The following THRB variants were observed in gnomAD, a reference collection of about 807,000 sequenced individuals.
THRB encodes the protein nuclear receptor subfamily 1 group A member 2.
Under a neutral mutation model 47.8 loss-of-function variants are expected in THRB, and 12 were observed. That is an observed-to-expected ratio of 0.25 (90% CI 0.16 to 0.41). The LOEUF is 0.41. THRB is among the 10% of genes least tolerant of loss of function. THRB has a pLI of 1.00. For missense variants in THRB, 348 were observed against 589.2 expected (o/e 0.59, Z 4.24); for synonymous variants, 218 against 212.2 (o/e 1.03, Z -0.24).
At chr3:24,246,454 G>A (rs2050121029) in intron 3 of THRB, among the ~76,000 whole-genome samples, 1 of 152,204 alleles carries the variant, frequency 6.6e-6, no homozygotes, top group Non-Finnish European at 1.5e-5. Context: ...ATATTTCTCA[G>A]TGTGAAATGA....
At chr3:24,258,345 A>AACC (rs938414291) in intron 3 of THRB, among the ~76,000 whole-genome samples, 1 of 152,056 alleles carries the variant, frequency 6.6e-6, no homozygotes, top group Non-Finnish European at 1.5e-5. Flanking sequence ...TCAAAACCAA[A>AACC]ATAAACTTAG....
chr3:24,175,352 T>G (rs1016452885), intron 5 of THRB, among the ~76,000 whole-genome samples: 1 of 152,154 alleles, frequency 6.6e-6, no homozygotes, highest in African/African-American at 2.4e-5. Context: ...GTCTTTCACA[T>G]AAGAACTCTG....
intron 1 of THRB, among the ~76,000 whole-genome samples, chr3:24,476,115 C>T (rs1035980395): frequency 5.9e-5 from 9 of 152,182 alleles, no homozygotes; most frequent in African/African-American, 2.2e-4. Flanking sequence ...CCTGCAAGAT[C>T]GAAAGTACTT....
intron 1 of THRB, among the ~76,000 whole-genome samples, chr3:24,338,602 T>C (rs1295298975): frequency 1.3e-5 from 2 of 152,160 alleles, no homozygotes; most frequent in Admixed American, 6.5e-5. Context: ...TGTTATATCA[T>C]TAAAGCGATT....
intron 4 of THRB, among the ~76,000 whole-genome samples, chr3:24,205,965 T>C (rs1336481736): frequency 6.6e-6 from 1 of 152,166 alleles, no homozygotes. Flanking sequence ...CCTAAATATA[T>C]ATGCACCTAA....
At position 24,127,716 on chromosome 3, in the gene THRB, G is replaced by A. The variant is rs115964589; in HGVS notation, c.927C>T (p.Cys309=). The A allele has an allele frequency of 1.5e-5, 25 of 1,614,212 alleles. No individual in the cohort carries two copies. Among genetic ancestry groups the A allele is most frequent in the Non-Finnish European group, 2.0e-5 (24 of 1,180,026 alleles). Residue 309 remains cysteine, a synonymous_variant, in exon 10 of 11, where the codon TGC becomes TGT. Transcript: ENST00000646209. ...CAGCGCGAAGGGACATGATCTCCATGCAGCAGCCTTTGAGGAGGATGATCT... is the reference window on the plus strand; with the variant it reads ...CAGCGCGAAGGGACATGATCTCCATACAGCAGCCTTTGAGGAGGATGATCT... The part of the protein sequence containing the change: ...EDQIILLKGC[C]MEIMSLRAAV...
rs561661067 is a variant in THRB at position 24,376,174 on chromosome 3, G to A, written c.-260-38803C>T. Among the ~76,000 whole-genome samples the A allele has an allele frequency of 1.4e-4, 22 of 152,278 alleles. No individual in the cohort carries two copies. In the South Asian group the frequency reaches 3.1e-3, roughly 22 times the overall value. On this transcript the variant is annotated intron_variant, in intron 1 of 10. Transcript: ENST00000646209. ...GTGTGTCTATAATGGAGAAAGGGAC[G>A]TAAACAACTATAAACATGGACACAA...
intron 1 of THRB, among the ~76,000 whole-genome samples, chr3:24,404,261 A>T (rs1400575632): frequency 6.6e-6 from 1 of 151,932 alleles, no homozygotes; most frequent in Admixed American, 6.6e-5. Flanking sequence ...AGTGCAAGAT[A>T]AACAAATGGA....
intron 10 of THRB, among the ~76,000 whole-genome samples, chr3:24,124,849 T>C (rs1395903409): frequency 1.3e-5 from 2 of 152,190 alleles, no homozygotes; most frequent in Non-Finnish European, 2.9e-5. Flanking sequence ...GCAGCTATCA[T>C]TTGCCAAATG....
At chr3:24,360,548 C>A (rs1335542192) in intron 1 of THRB, among the ~76,000 whole-genome samples, 1 of 152,174 alleles carries the variant, frequency 6.6e-6, no homozygotes, top group Non-Finnish European at 1.5e-5. Flanking sequence ...TTTACCGATA[C>A]ATAATTGTTC....
At chr3:24,218,362 T>TTAAA (rs1553649054) in intron 4 of THRB, among the ~76,000 whole-genome samples, 39 of 128,430 alleles carry the variant, frequency 3.0e-4, no homozygotes, top group African/African-American at 1.3e-3. Context: ...TTTTTTTTTT[T>TTAAA]AAAAAGAAAA....
At chr3:24,429,410 T>C (rs1484201230) in intron 1 of THRB, among the ~76,000 whole-genome samples, 2 of 151,858 alleles carry the variant, frequency 1.3e-5, no homozygotes, top group African/African-American at 4.8e-5. Flanking sequence ...TTACAAGATA[T>C]CCTCAGGGTA....
chr3:24,146,479 C>T (rs979295179), intron 7 of THRB, among the ~76,000 whole-genome samples, 196 bp downstream of exon 7: 1 of 152,186 alleles, frequency 6.6e-6, no homozygotes, highest in African/African-American at 2.4e-5. Flanking sequence ...TAGGATGGAA[C>T]CCACCCAGCA....
At chr3:24,440,951 G>C (rs1487170672) in intron 1 of THRB, among the ~76,000 whole-genome samples, 4 of 152,232 alleles carry the variant, frequency 2.6e-5, no homozygotes, top group African/African-American at 4.8e-5. Flanking sequence ...GCTCAAGTTA[G>C]TTCAGCCCTT....
intron 4 of THRB, among the ~76,000 whole-genome samples, chr3:24,207,529 G>A (rs1294222104): frequency 1.3e-5 from 2 of 152,092 alleles, no homozygotes; most frequent in Non-Finnish European, 2.9e-5. Flanking sequence ...CCAGGTGGGG[G>A]CGAGAGACAT....
At chr3:24,375,001 T>C (rs2149786099) in intron 1 of THRB, among the ~76,000 whole-genome samples, 1 of 152,236 alleles carries the variant, frequency 6.6e-6, no homozygotes, top group South Asian at 2.1e-4. Context: ...CAACAAGTTA[T>C]AAACCTGGAT....
chr3:24,245,460 G>A (rs1267756005), intron 3 of THRB, among the ~76,000 whole-genome samples: 3 of 152,122 alleles, frequency 2.0e-5, no homozygotes, highest in Non-Finnish European at 2.9e-5. Flanking sequence ...AGGGGAGGCT[G>A]TATTTAATAC....
intron 1 of THRB, among the ~76,000 whole-genome samples, chr3:24,388,274 A>G (rs1422950043): frequency 6.6e-6 from 1 of 152,146 alleles, no homozygotes; most frequent in Non-Finnish European, 1.5e-5. Flanking sequence ...AAATGTTAGC[A>G]GAGACATTTA....
At chr3:24,355,823 T>C (rs887939069) in intron 1 of THRB, among the ~76,000 whole-genome samples, 1 of 152,134 alleles carries the variant, frequency 6.6e-6, no homozygotes, top group African/African-American at 2.4e-5. Context: ...TCTATAATCT[T>C]AGCACTTGTA....
Sources: allele counts gnomAD v4.1 joint callset (sites outside exome capture counted in the v4.1 genomes callset), GRCh38; gene constraint gnomAD v4.1.1; transcripts MANE v1.5; gene names NCBI Gene and HGNC (gene_info 2026-07-23, HGNC 2026-07-21).